PFKFB3: variants seen among roughly 807,000 people sequenced by gnomAD.
PFKFB3 encodes 6-phosphofructo-2-kinase/fructose-2,6-bisphosphatase 3.
Under a neutral mutation model 68.0 loss-of-function variants are expected in PFKFB3, and 33 were observed. The ratio of observed to expected loss-of-function variants is 0.49; its 90% CI spans 0.37 to 0.65. The LOEUF is 0.65. Among genes scored for constraint, PFKFB3 ranks in the 30% least tolerant of loss-of-function variants. The pLI, the probability that PFKFB3 is intolerant of heterozygous loss-of-function variation, is 0.00. For missense variants in PFKFB3, 586 were observed against 712.2 expected (o/e 0.82, Z 2.02); for synonymous variants, 315 against 288.2 (o/e 1.09, Z -0.94).
At chr10:6,285,695 A>C in the PFKFB3 span, among the ~76,000 whole-genome samples, 1 of 152,172 alleles carries the variant, frequency 6.6e-6, no homozygotes, top group Non-Finnish European at 1.5e-5. Flanking sequence ...CTTCATGCCT[A>C]TTGATTAATG....
the PFKFB3 span, among the ~76,000 whole-genome samples, chr10:6,320,965 T>C: frequency 6.6e-6 from 1 of 152,216 alleles, no homozygotes; most frequent in Non-Finnish European, 1.5e-5. Context: ...TTGGGTTCTG[T>C]GTCCATTTCT....
chr10:6,182,685 C>T (rs1842752483), intron 1 of PFKFB3, among the ~76,000 whole-genome samples: 1 of 152,222 alleles, frequency 6.6e-6, no homozygotes, highest in African/African-American at 2.4e-5. Flanking sequence ...TAGGCTTGTG[C>T]CACACCAGGC....
chr10:6,216,254 C>T, intron 4 of PFKFB3, 63 bp downstream of exon 4: 1 of 1,466,656 alleles, frequency 6.8e-7, no homozygotes. Context: ...TCCTCACCGG[C>T]CTGGGGTGTA....
intron 1 of PFKFB3, among the ~76,000 whole-genome samples, chr10:6,204,125 G>GCCGCCCC (rs1554847380): frequency 1.3e-5 from 2 of 152,254 alleles, no homozygotes; most frequent in Non-Finnish European, 2.9e-5. Flanking sequence ...CCCGCCGGTC[G>GCCGCCCC]CCGCCCCCGC....
chr10:6,199,030 A>G (rs12256901), upstream of PFKFB3, among the ~76,000 whole-genome samples: 1 of 152,200 alleles, frequency 6.6e-6, no homozygotes, highest in African/African-American at 2.4e-5. Flanking sequence ...GTGAGTTACA[A>G]ATAATTTATT....
chr10:6,164,559 A>G (rs1842072396), intron 1 of PFKFB3, among the ~76,000 whole-genome samples: 1 of 152,106 alleles, frequency 6.6e-6, no homozygotes, highest in African/African-American at 2.4e-5. Flanking sequence ...AAGAAATAAG[A>G]CACAAAGTAT....
At chr10:6,177,490 C>CTTTCT (rs1564600059) in intron 1 of PFKFB3, among the ~76,000 whole-genome samples, 1 of 19,368 alleles carries the variant, frequency 5.2e-5, no homozygotes, top group African/African-American at 1.5e-4. Context: ...CTTTCTTTTT[C>CTTTCT]TTTTCTTTCT....
At chr10:6,185,836 C>T (rs1389378015) in intron 1 of PFKFB3, among the ~76,000 whole-genome samples, 1 of 152,014 alleles carries the variant, frequency 6.6e-6, no homozygotes, top group Admixed American at 6.6e-5. Context: ...GACAGGGTTT[C>T]GCCATGTTGG....
At chr10:6,279,735 A>C in the PFKFB3 span, among the ~76,000 whole-genome samples, 2 of 152,218 alleles carry the variant, frequency 1.3e-5, no homozygotes, top group Middle Eastern at 3.2e-3. Context: ...CCAGGAGGTG[A>C]ACAAAATTTC....
chr10:6,285,978 T>G, the PFKFB3 span, among the ~76,000 whole-genome samples: 21 of 141,128 alleles, frequency 1.5e-4, no homozygotes, highest in African/African-American at 5.4e-4. Flanking sequence ...CACTGTTTTT[T>G]TTTTTTTTTT....
At chr10:6,307,904 G>C in the PFKFB3 span, among the ~76,000 whole-genome samples, 1 of 152,126 alleles carries the variant, frequency 6.6e-6, no homozygotes, top group African/African-American at 2.4e-5. Context: ...ATTATGCCAG[G>C]AATGGGTTAG....
intron 1 of PFKFB3, among the ~76,000 whole-genome samples, chr10:6,205,947 A>G (rs2131878010): frequency 6.7e-6 from 1 of 149,846 alleles, no homozygotes; most frequent in South Asian, 2.2e-4. Flanking sequence ...ATAAGTGTGC[A>G]CCACCACACC....
intron 4 of PFKFB3, 89 bp downstream of exon 4, chr10:6,216,280 C>G (rs759306510): frequency 2.4e-6 from 3 of 1,263,828 alleles, no homozygotes; most frequent in African/African-American, 1.5e-5. Flanking sequence ...ACCTGTGCCT[C>G]TGGCCCTGAG....
At chr10:6,191,715 C>T (rs1420392133) in intron 1 of PFKFB3, among the ~76,000 whole-genome samples, 1 of 152,184 alleles carries the variant, frequency 6.6e-6, no homozygotes, top group Non-Finnish European at 1.5e-5. Context: ...TCCCTCTGGC[C>T]CACCGCTGTC....
chr10:6,219,807 C>T, intron 7 of PFKFB3, 114 bp downstream of exon 7: 1 of 1,158,644 alleles, frequency 8.6e-7, no homozygotes, highest in Non-Finnish European at 1.2e-6. Context: ...TTTTTTAAGA[C>T]AGTTTTTTTT....
intron 13 of PFKFB3, chr10:6,225,214 G>A (rs1289629692): frequency 6.6e-6 from 3 of 456,110 alleles, no homozygotes; most frequent in South Asian, 3.1e-5. Flanking sequence ...CTCTTAGACC[G>A]AGCGTGACTT....
the PFKFB3 span, among the ~76,000 whole-genome samples, chr10:6,308,146 A>G: frequency 2.0e-5 from 3 of 152,242 alleles, no homozygotes; most frequent in African/African-American, 2.4e-5. Context: ...ACAAGGAGAA[A>G]GCATCATTGT....
At chr10:6,292,742 TC>T in the PFKFB3 span, among the ~76,000 whole-genome samples, 1 of 152,158 alleles carries the variant, frequency 6.6e-6, no homozygotes, top group Non-Finnish European at 1.5e-5. Context: ...ACAGCACTTC[TC>T]ATGGCCTAGG....
At chr10:6,178,970 A>G (rs1842620938) in intron 1 of PFKFB3, among the ~76,000 whole-genome samples, 1 of 152,238 alleles carries the variant, frequency 6.6e-6, no homozygotes, top group African/African-American at 2.4e-5. Context: ...AGGTGATTTC[A>G]TCTCTGAGGC....
Sources: gnomAD v4.1 joint callset for allele counts (sites outside exome capture counted in the v4.1 genomes callset) on GRCh38, gnomAD v4.1.1 for gene constraint, MANE v1.5 for transcripts, NCBI Gene and HGNC (gene_info 2026-07-23, HGNC 2026-07-21) for gene names.